IMMP2L: variants seen among roughly 807,000 people sequenced by gnomAD.
IMMP2L encodes the protein inner mitochondrial membrane peptidase subunit 2, also known as mitochondrial inner membrane protease subunit 2.
A neutral mutation model predicts 19.3 loss-of-function variants in IMMP2L; 18 were observed. The ratio of observed to expected loss-of-function variants is 0.93; its 90% CI spans 0.64 to 1.38. IMMP2L has a LOEUF of 1.38. Among genes scored for constraint, IMMP2L ranks in the 40% most tolerant of loss-of-function variants. The pLI is 0.00. For synonymous variants in IMMP2L, 76 were observed against 73.0 expected (o/e 1.04, Z -0.21); for missense variants, 233 against 218.2 (o/e 1.07, Z -0.43).
chr7:111,390,101 G>C (rs1832191876), intron 3 of IMMP2L, among the ~76,000 whole-genome samples: 1 of 152,056 alleles, frequency 6.6e-6, no homozygotes. Context: ...ACTCACTCAT[G>C]GCCCATATAT....
chr7:110,684,222 G>A (rs1174155406), intron 5 of IMMP2L, among the ~76,000 whole-genome samples: 1 of 152,038 alleles, frequency 6.6e-6, no homozygotes, highest in Non-Finnish European at 1.5e-5. Flanking sequence ...CTTGAGAGCA[G>A]TTTATTTACA....
At position 110,757,803 on chromosome 7, in the gene IMMP2L, G is replaced by A. The variant is rs745347675; in HGVS notation, c.409-94082C>T. Among the ~76,000 whole-genome samples the A allele has an allele frequency of 2.0e-5, 3 of 152,010 alleles. No homozygotes were observed. Among genetic ancestry groups the A allele is most frequent in the African/African-American group, 2.4e-5 (1 of 41,388 alleles). On this transcript the variant is annotated intron_variant, in intron 5 of 5. Coordinates refer to ENST00000405709, the MANE Select transcript of IMMP2L (RefSeq NM_032549.4). This position sits in a 1 kb window ranked among gnomAD's most constrained non-coding sequence, Gnocchi z 4.2. Reference sequence around the variant, plus strand: ...ATCTGTGTTTTGTCAGCACTCTGACGGAAAAAACCTCATTAGGAAGGCAGC... The same window carrying A: ...ATCTGTGTTTTGTCAGCACTCTGACAGAAAAAACCTCATTAGGAAGGCAGC...
intron 2 of IMMP2L, among the ~76,000 whole-genome samples, chr7:111,489,209 A>G (rs1163824226): frequency 1.3e-5 from 2 of 151,642 alleles, no homozygotes; most frequent in Non-Finnish European, 2.9e-5. Context: ...ACGCCCAGCT[A>G]ATTTTTTTTA....
At chr7:111,121,979 CA>C (rs1230947154) in intron 3 of IMMP2L, among the ~76,000 whole-genome samples, 1 of 149,272 alleles carries the variant, frequency 6.7e-6, no homozygotes, top group East Asian at 2.0e-4. Context: ...ATCGCAAGGA[CA>C]AAAAAACCAA....
chr7:110,682,005 T>C (rs55786049), intron 5 of IMMP2L, among the ~76,000 whole-genome samples: 7,444 of 152,132 alleles, frequency 0.049, 230 homozygotes, highest in African/African-American at 0.086. Flanking sequence ...GAAAGAAAAA[T>C]GTGTTGAGAT....
chr7:110,983,641 G>A (rs1419932195), intron 3 of IMMP2L, among the ~76,000 whole-genome samples: 14 of 151,894 alleles, frequency 9.2e-5, no homozygotes, highest in Non-Finnish European at 1.9e-4. Context: ...ATTGAAGAAA[G>A]TACTAGGATG....
intron 3 of IMMP2L, among the ~76,000 whole-genome samples, chr7:111,004,995 C>T (rs961644093): frequency 6.6e-6 from 1 of 152,058 alleles, no homozygotes; most frequent in Non-Finnish European, 1.5e-5. Flanking sequence ...CTATAAGATC[C>T]AATATATGTT....
intron 1 of IMMP2L, among the ~76,000 whole-genome samples, chr7:111,523,723 C>A (rs1261591581): frequency 6.6e-6 from 1 of 152,098 alleles, no homozygotes; most frequent in African/African-American, 2.4e-5. Flanking sequence ...TCAAACTCAT[C>A]TAACAACTAT....
intron 5 of IMMP2L, among the ~76,000 whole-genome samples, chr7:110,873,394 C>T (rs1053740240): frequency 8.0e-6 from 1 of 124,374 alleles, no homozygotes; most frequent in Admixed American, 1.0e-4. Context: ...TGCCACACTG[C>T]ACTCAAGCCT....
rs531901250 is a variant in IMMP2L at position 111,173,952 on chromosome 7, T to C, written c.240-210387A>G. Among the ~76,000 whole-genome samples the C allele has an allele frequency of 2.4e-4, 37 of 151,846 alleles. 1 individual carries two copies. Among genetic ancestry groups the C allele is most frequent in the African/African-American group, 8.4e-4 (35 of 41,510 alleles). On this transcript the variant is annotated intron_variant, in intron 3 of 5. Coordinates refer to ENST00000405709, the MANE Select transcript of IMMP2L (RefSeq NM_032549.4). ...GTGAAGTTAAATATATTAACAATGC[T>C]TACTGAGTTTCTCTTTCAAAGGATT...
chr7:110,752,655 C>T (rs1337408593), intron 5 of IMMP2L, among the ~76,000 whole-genome samples: 1 of 151,968 alleles, frequency 6.6e-6, no homozygotes, highest in Admixed American at 6.6e-5. Flanking sequence ...TCTCCTACTG[C>T]TTCAGGGACA....
intron 3 of IMMP2L, among the ~76,000 whole-genome samples, chr7:111,279,785 G>A (rs1819499194): frequency 6.6e-6 from 1 of 152,024 alleles, no homozygotes; most frequent in Admixed American, 6.6e-5. Flanking sequence ...AAAGAGGCCA[G>A]GTTACAGAGA....
chr7:111,290,810 CTATA>C (rs34013550), intron 3 of IMMP2L, among the ~76,000 whole-genome samples: 1 of 149,390 alleles, frequency 6.7e-6, no homozygotes, highest in East Asian at 2.0e-4. Flanking sequence ...CTCTCTCTCA[CTATA>C]TATATATATA....
chr7:111,185,921 T>C (rs995209157), intron 3 of IMMP2L, among the ~76,000 whole-genome samples: 13 of 152,152 alleles, frequency 8.5e-5, no homozygotes, highest in African/African-American at 1.9e-4. Context: ...CACATTCCCA[T>C]TGTTTTACAT....
intron 3 of IMMP2L, among the ~76,000 whole-genome samples, chr7:111,020,033 T>C (rs76492961): frequency 6.6e-6 from 1 of 151,698 alleles, no homozygotes; most frequent in Non-Finnish European, 1.5e-5. Context: ...CAGACACATA[T>C]TGAATGTCTG....
At chr7:111,323,645 A>G (rs1161693423) in intron 3 of IMMP2L, among the ~76,000 whole-genome samples, 1 of 152,156 alleles carries the variant, frequency 6.6e-6, no homozygotes, top group Non-Finnish European at 1.5e-5. Flanking sequence ...TACTGGGTAT[A>G]TACCCAAAGG....
chr7:111,214,842 C>A (rs918062598), intron 3 of IMMP2L, among the ~76,000 whole-genome samples: 5 of 151,266 alleles, frequency 3.3e-5, no homozygotes, highest in African/African-American at 1.2e-4. Context: ...AATACAGCCA[C>A]AGGCCAGATC....
intron 5 of IMMP2L, among the ~76,000 whole-genome samples, chr7:110,718,826 AG>A (rs1391941354): frequency 6.6e-6 from 1 of 152,204 alleles, no homozygotes; most frequent in African/African-American, 2.4e-5. Context: ...TACCTGAAAT[AG>A]CCAGAAGCAG....
intron 3 of IMMP2L, among the ~76,000 whole-genome samples, chr7:111,147,405 G>T (rs1360294893): frequency 6.6e-6 from 1 of 152,120 alleles, no homozygotes; most frequent in Non-Finnish European, 1.5e-5. Context: ...CCTCCAAAAT[G>T]AGAGCATTGA....
Sources: gnomAD v4.1 joint callset for allele counts (sites outside exome capture counted in the v4.1 genomes callset) on GRCh38, gnomAD v4.1.1 for gene constraint, Gnocchi (gnomAD v3.1) non-coding constraint, MANE v1.5 for transcripts, NCBI Gene and HGNC (gene_info 2026-07-23, HGNC 2026-07-21) for gene names.